PRELID2: variants seen among roughly 807,000 people sequenced by gnomAD.
PRELID2 encodes PRELI domain-containing protein 2.
In PRELID2, 25 loss-of-function variants were observed where a neutral mutation model predicts 28.4. The ratio of observed to expected loss-of-function variants is 0.88; its 90% CI spans 0.64 to 1.23. PRELID2 has a LOEUF of 1.23. Among genes scored for constraint, PRELID2 ranks in the 50% most tolerant of loss-of-function variants. The pLI, the probability that PRELID2 is intolerant of heterozygous loss-of-function variation, is 0.00. For synonymous variants in PRELID2, 76 were observed against 71.6 expected (o/e 1.06, Z -0.31); for missense variants, 201 against 214.4 (o/e 0.94, Z 0.39).
At chr5:145,723,074 G>T (rs1626734) in intron 1 of PRELID2, among the ~76,000 whole-genome samples, 27,988 of 151,946 alleles carry the variant, frequency 0.18, 2,984 homozygotes, top group African/African-American at 0.29. Context: ...ACCTAAATTT[G>T]ATTGTCAAAA....
the PRELID2 span, among the ~76,000 whole-genome samples, chr5:145,295,642 T>C: frequency 6.6e-6 from 1 of 152,126 alleles, no homozygotes; most frequent in Admixed American, 6.6e-5. Context: ...CTGGAAGAGT[T>C]CTTTAGAGAT....
At chr5:145,678,430 G>A (rs897577436) in intron 1 of PRELID2, among the ~76,000 whole-genome samples, 6 of 151,984 alleles carry the variant, frequency 3.9e-5, no homozygotes, top group South Asian at 4.2e-4. Context: ...TTTATCTACC[G>A]GTAGATTGTT....
chr5:145,628,641 T>C (rs750739229), intron 1 of PRELID2, among the ~76,000 whole-genome samples: 3 of 152,158 alleles, frequency 2.0e-5, no homozygotes, highest in Non-Finnish European at 4.4e-5. Context: ...GTATTCTTAA[T>C]GAGATTTTGA....
At chr5:145,693,496 C>A (rs1478505003) in intron 1 of PRELID2, among the ~76,000 whole-genome samples, 1 of 151,048 alleles carries the variant, frequency 6.6e-6, no homozygotes, top group Admixed American at 6.6e-5. Context: ...TAGCCAGGTG[C>A]AGTGGCTCAT....
chr5:145,576,063 G>C (rs185603792), intron 1 of PRELID2, among the ~76,000 whole-genome samples: 3 of 152,220 alleles, frequency 2.0e-5, no homozygotes, highest in South Asian at 2.1e-4. Flanking sequence ...GAATAGATCA[G>C]GTTGCCTATT....
chr5:145,730,504 T>C (rs1018533965), intron 1 of PRELID2, among the ~76,000 whole-genome samples: 1 of 152,174 alleles, frequency 6.6e-6, no homozygotes, highest in Non-Finnish European at 1.5e-5. Context: ...AGGCATAAAT[T>C]TGAATCACCC....
At chr5:145,302,686 G>C in the PRELID2 span, among the ~76,000 whole-genome samples, 3 of 151,806 alleles carry the variant, frequency 2.0e-5, no homozygotes, top group Admixed American at 2.0e-4. Context: ...AATGTGATTA[G>C]TATTAATATA....
At chr5:145,578,400 G>GCTGC (rs1325974573) in intron 1 of PRELID2, among the ~76,000 whole-genome samples, 2 of 152,042 alleles carry the variant, frequency 1.3e-5, no homozygotes, top group Non-Finnish European at 2.9e-5. Context: ...TGAGTCCCAG[G>GCTGC]CTGCCAGCAT....
At chr5:145,238,015 G>C in the PRELID2 span, among the ~76,000 whole-genome samples, 1 of 152,066 alleles carries the variant, frequency 6.6e-6, no homozygotes, top group South Asian at 2.1e-4. Flanking sequence ...ATTTCATGTG[G>C]TAATCAGGCA....
the PRELID2 span, among the ~76,000 whole-genome samples, chr5:145,231,434 C>T: frequency 1.3e-5 from 2 of 152,092 alleles, no homozygotes; most frequent in East Asian, 3.9e-4. Context: ...GTAACAGTGG[C>T]CTACACTGAG....
At chr5:145,620,228 T>C (rs1457424445) in intron 1 of PRELID2, among the ~76,000 whole-genome samples, 2 of 151,994 alleles carry the variant, frequency 1.3e-5, no homozygotes, top group Non-Finnish European at 2.9e-5. Context: ...TAAAGAAAAA[T>C]CTACATTTAA....
the PRELID2 span, among the ~76,000 whole-genome samples, chr5:145,419,055 G>T: frequency 6.6e-6 from 1 of 150,722 alleles, no homozygotes; most frequent in Non-Finnish European, 1.5e-5. Context: ...CAAAGGACAT[G>T]AACTCATCAT....
intron 1 of PRELID2, among the ~76,000 whole-genome samples, chr5:145,473,668 C>A (rs1752075020): frequency 6.6e-6 from 1 of 152,118 alleles, no homozygotes; most frequent in Non-Finnish European, 1.5e-5. Context: ...GCACATGACA[C>A]AGCAGCCATC....
intron 1 of PRELID2, among the ~76,000 whole-genome samples, chr5:145,705,394 G>C (rs1474895750): frequency 6.6e-6 from 1 of 151,948 alleles, no homozygotes; most frequent in Non-Finnish European, 1.5e-5. Context: ...AGTAGAGACG[G>C]GGTTTGACCA....
chr5:145,742,134 A>ATTTTTT (rs1756829615), intron 1 of PRELID2, among the ~76,000 whole-genome samples: 2 of 5,482 alleles, frequency 3.6e-4, no homozygotes, highest in African/African-American at 6.1e-4. Flanking sequence ...TTAATTATAA[A>ATTTTTT]TAAATAAATT....
At chr5:145,368,436 C>A in the PRELID2 span, among the ~76,000 whole-genome samples, 1 of 151,916 alleles carries the variant, frequency 6.6e-6, no homozygotes, top group Non-Finnish European at 1.5e-5. Flanking sequence ...CCAAACCAAA[C>A]TGATGCATTT....
At chr5:145,412,958 A>C in the PRELID2 span, among the ~76,000 whole-genome samples, 1 of 152,124 alleles carries the variant, frequency 6.6e-6, no homozygotes, top group East Asian at 1.9e-4. Flanking sequence ...ACTCACTATC[A>C]TGAGAACCGC....
chr5:145,421,986 A>T, the PRELID2 span, among the ~76,000 whole-genome samples: 2 of 151,300 alleles, frequency 1.3e-5, no homozygotes, highest in Non-Finnish European at 2.9e-5. Context: ...TCACTTCGTT[A>T]TGTACCCAGT....
At chr5:145,363,276 A>C in the PRELID2 span, among the ~76,000 whole-genome samples, 1 of 152,044 alleles carries the variant, frequency 6.6e-6, no homozygotes, top group Non-Finnish European at 1.5e-5. Flanking sequence ...TTAAATACTA[A>C]ACAACTCTTA....
Sources: gnomAD v4.1 joint callset for allele counts (sites outside exome capture counted in the v4.1 genomes callset) on GRCh38, gnomAD v4.1.1 for gene constraint, MANE v1.5 for transcripts, NCBI Gene and HGNC (gene_info 2026-07-23, HGNC 2026-07-21) for gene names.